MTA1: variants seen among roughly 807,000 people sequenced by gnomAD.
MTA1 encodes metastasis associated 1, also known as metastasis-associated protein MTA1.
MTA1 carries 15 observed loss-of-function variants against 97.0 expected under a neutral mutation model. The ratio of observed to expected loss-of-function variants is 0.15; its 90% CI spans 0.10 to 0.24. The LOEUF (loss-of-function observed/expected upper bound fraction) is 0.24, where lower values mean the gene tolerates loss of function less well. MTA1 is among the 10% of genes least tolerant of loss of function. The pLI, the probability that MTA1 is intolerant of heterozygous loss-of-function variation, is 1.00. For missense variants in MTA1, 709 were observed against 1,015.1 expected, an observed-to-expected ratio of 0.70 and a Z score of 4.10; for synonymous variants, 435 against 417.5, an observed-to-expected ratio of 1.04 and a Z score of -0.51.
intron 1 of MTA1, among the ~76,000 whole-genome samples, chr14:105,427,948 G>T (rs376502554): frequency 1.4e-5 from 2 of 142,354 alleles, no homozygotes; most frequent in Non-Finnish European, 3.0e-5. Context: ...CGTGCAGGAC[G>T]CAGAGGTTGC....
chr14:105,445,554 C>T lies in MTA1; in HGVS notation c.190+43C>T, dbSNP rs111705415. ...TGGGGTGCCCGCCTGGCGGGAGGGT[C>T]GGCTGGGGAGGGCTGGCGGGGTCCT... On this transcript the variant is annotated intron_variant, in intron 3 of 20. Transcript: ENST00000331320. 7.5e-3 allele frequency: 12,077 copies of T among 1,604,152 alleles called. 770 individuals are homozygous for T. The African/African-American group carries it at 0.14, about 19-fold the overall frequency.
chr14:105,465,333 A>G (rs1225079068), intron 16 of MTA1, 150 bp downstream of exon 16: 5 of 584,516 alleles, frequency 8.6e-6, no homozygotes, highest in Admixed American at 3.7e-5. Flanking sequence ...GGTACTCTGC[A>G]CCGTGCCAGG....
Position 105,463,979 on chromosome 14 carries a change from C to T in MTA1, c.1077-53C>T. Reference sequence around the variant, plus strand: ...CGCGGTGCCTGCTGGGCACATGGGCCCTCGAGGTTTGTGCTCCTGCAACTC... The same window carrying T: ...CGCGGTGCCTGCTGGGCACATGGGCTCTCGAGGTTTGTGCTCCTGCAACTC... On this transcript the variant is annotated intron_variant, in intron 12 of 20. Transcript: ENST00000331320. The surrounding 1 kb of genome is among the most constrained non-coding windows in gnomAD (Gnocchi z 5.9). The T allele has an allele frequency of 1.9e-6, 3 of 1,573,828 alleles. No individual in the cohort carries two copies. Among genetic ancestry groups the T allele is most frequent in the Non-Finnish European group, 2.6e-6 (3 of 1,145,502 alleles).
At chr14:105,458,087 A>G (rs1012335249) in intron 7 of MTA1, among the ~76,000 whole-genome samples, 183 bp from the exon 8 acceptor site, 6 of 152,094 alleles carry the variant, frequency 3.9e-5, no homozygotes, top group Admixed American at 2.6e-4. Flanking sequence ...CCCCGGGTTG[A>G]GAGGCCACTG....
In MTA1 at chr14:105,470,467, C is replaced by T. The variant is rs1328777932; in HGVS notation, c.*252C>T. 4.8e-5 allele frequency: 21 copies of T among 435,318 alleles called. No individual in the cohort carries two copies. The highest frequency in any genetic ancestry group is 2.3e-4 in the Admixed American group (5 of 22,180). The allele number at this position is 435,318 out of a possible 1,614,324, so 27.0% of individuals were successfully genotyped here. ...CTGGAGCGGAGATGAGGGGCCACCCCGTGCCCCTGTGCTGCGGGGCCTTTT... is the reference window on the plus strand; with the variant it reads ...CTGGAGCGGAGATGAGGGGCCACCCTGTGCCCCTGTGCTGCGGGGCCTTTT... On this transcript the variant is annotated 3_prime_UTR_variant, in exon 21 of 21. Transcript: ENST00000331320.
At position 105,430,512 on chromosome 14, in the gene MTA1, G is replaced by A. The variant is rs2082146835; in HGVS notation, c.29-8160G>A. The stretch of plus-strand genomic sequence containing the variant: ...GGTTAAAAAGTTGGAAATGTTGAGA[G>A]AATTACCAAAACGTGACAGCAACAC... On this transcript the variant is annotated intron_variant, in intron 1 of 20. Transcript: ENST00000331320. 1.3e-5 allele frequency among the ~76,000 whole-genome samples: 2 copies of A among 152,086 alleles called. 1 individual carries two copies. The highest frequency in any genetic ancestry group is 1.3e-4 in the Admixed American group (2 of 15,276).
In MTA1 at chr14:105,422,919, C is replaced by A. The variant is rs1286090390; in HGVS notation, c.28+2856C>A. ...GGGCAAGGGTGGCGGGGTCAGGGTT[C>A]CCTGACCTCTGCTTCTCAAGGGTTG... On this transcript the variant is annotated intron_variant, in intron 1 of 20. Transcript: ENST00000331320. This position sits in a 1 kb window ranked among gnomAD's most constrained non-coding sequence, Gnocchi z 4.3. Among the ~76,000 whole-genome samples the A allele has an allele frequency of 1.3e-5, 2 of 152,172 alleles. No individual in the cohort carries two copies. Among genetic ancestry groups the A allele is most frequent in the Admixed American group, 6.5e-5 (1 of 15,274 alleles).
chr14:105,436,864 T>A (rs1357417738), intron 1 of MTA1, among the ~76,000 whole-genome samples: 2 of 152,250 alleles, frequency 1.3e-5, no homozygotes, highest in Non-Finnish European at 2.9e-5. Context: ...CCCACCAATT[T>A]TGAGTGTGTG....
rs1159213644 is a variant in MTA1 at position 105,424,184 on chromosome 14, C to A, written c.28+4121C>A. On this transcript the variant is annotated intron_variant, in intron 1 of 20. Coordinates refer to ENST00000331320, the MANE Select transcript of MTA1 (RefSeq NM_004689.4). The surrounding 1 kb of genome is among the most constrained non-coding windows in gnomAD (Gnocchi z 4.0). The stretch of plus-strand genomic sequence containing the variant: ...CTTCTCCTGCCTCAGCCACTGAGCA[C>A]TCCTGGCTTGCTCCACCTTTGTTTT... 1.3e-5 allele frequency among the ~76,000 whole-genome samples: 2 copies of A among 152,208 alleles called. No individual in the cohort carries two copies. Among genetic ancestry groups the A allele is most frequent in the African/African-American group, 2.4e-5 (1 of 41,448 alleles).
rs149708225 is a variant in MTA1 at position 105,451,048 on chromosome 14, C to T, written c.432+724C>T. ...TCCAGGCCTAGGGCTTGGCCTCCCA[C>T]GGGCTCTGCTGCCACCTGGCTGGAG... On this transcript the variant is annotated intron_variant, in intron 6 of 20. Transcript: ENST00000331320. Among the ~76,000 whole-genome samples the T allele has an allele frequency of 3.3e-4, 50 of 152,270 alleles. 1 individual carries two copies. Among genetic ancestry groups the T allele is most frequent in the Admixed American group, 1.6e-3 (24 of 15,302 alleles).
chr14:105,467,867 G>A (rs2083662239), intron 18 of MTA1: 1 of 240,784 alleles, frequency 4.2e-6, no homozygotes, highest in African/African-American at 2.3e-5. Flanking sequence ...TTTTTGTTTT[G>A]TTTTGTAAAA....
intron 16 of MTA1, chr14:105,465,481 G>A (rs1016900681): frequency 3.4e-5 from 9 of 266,070 alleles, no homozygotes; most frequent in Non-Finnish European, 5.0e-5. Context: ...TGCCAGTCTC[G>A]CTACCCTGTT....
rs1555434223 is a variant in MTA1 at position 105,470,216 on chromosome 14, GGGCCGCCCCCACCTGC to G, written c.*12_*27del. ...CGAGCCCATCGTCATCGAGGACTAG[GGGCCGCCCCCACCTGC>G]GGCCGCCCCCCGCCCCTCGCCCGCC... On this transcript the variant is annotated 3_prime_UTR_variant, in exon 21 of 21. Coordinates refer to ENST00000331320, the MANE Select transcript of MTA1 (RefSeq NM_004689.4). The G allele has an allele frequency of 1.1e-5, 18 of 1,574,860 alleles. No homozygotes were observed. The highest frequency in any genetic ancestry group is 1.9e-4 in the Middle Eastern group (1 of 5,238).
At chr14:105,469,717 G>A (rs1191358718) in intron 19 of MTA1, 124 bp from the exon 20 acceptor site, 13 of 1,389,540 alleles carry the variant, frequency 9.4e-6, no homozygotes, top group Admixed American at 6.6e-5. Flanking sequence ...CCAGGCTGGG[G>A]GTCCGTGTAA....
chr14:105,469,585 G>T, intron 19 of MTA1, 87 bp downstream of exon 19: 1 of 1,486,782 alleles, frequency 6.7e-7, no homozygotes. Flanking sequence ...AGCCCTGCCA[G>T]GTGCCACGTG....
chr14:105,436,029 G>A (rs1329849727), intron 1 of MTA1, among the ~76,000 whole-genome samples: 1 of 152,164 alleles, frequency 6.6e-6, no homozygotes, highest in Non-Finnish European at 1.5e-5. Flanking sequence ...AGCACTTTGG[G>A]AGACTGAGGC....
intron 1 of MTA1, among the ~76,000 whole-genome samples, chr14:105,423,718 A>G (rs2081923481): frequency 6.6e-6 from 1 of 152,260 alleles, no homozygotes; most frequent in Non-Finnish European, 1.5e-5. Context: ...GGCATGTGCC[A>G]TCATCTGCGC....
chr14:105,469,636 C>A, intron 19 of MTA1, 138 bp downstream of exon 19: 1 of 1,221,034 alleles, frequency 8.2e-7, no homozygotes, highest in Non-Finnish European at 1.2e-6. Flanking sequence ...GGGGCTGCAG[C>A]ATGTGGGGGC....
At chr14:105,452,469 C>T (rs782339908) in intron 6 of MTA1, among the ~76,000 whole-genome samples, 1 of 152,216 alleles carries the variant, frequency 6.6e-6, no homozygotes, top group Non-Finnish European at 1.5e-5. Flanking sequence ...CACTTGAGCT[C>T]AGGAGTTCAA....
Sources: allele counts gnomAD v4.1 joint callset (sites outside exome capture counted in the v4.1 genomes callset), GRCh38; gene constraint gnomAD v4.1.1; non-coding constraint Gnocchi (gnomAD v3.1); transcripts MANE v1.5; gene names NCBI Gene and HGNC (gene_info 2026-07-23, HGNC 2026-07-21).